TNFSF10: variants seen among roughly 807,000 people sequenced by gnomAD.
TNFSF10 encodes TNF superfamily member 10, also known as tumor necrosis factor ligand superfamily member 10.
A neutral mutation model predicts 29.5 loss-of-function variants in TNFSF10; 13 were observed. The ratio of observed to expected loss-of-function variants is 0.44; its 90% CI spans 0.29 to 0.70. The LOEUF (loss-of-function observed/expected upper bound fraction) is 0.70, where lower values mean the gene tolerates loss of function less well. Ranked by LOEUF, TNFSF10 falls within the 30% of genes least tolerant of loss-of-function variation. The pLI, the probability that TNFSF10 is intolerant of heterozygous loss-of-function variation, is 0.13. For synonymous variants in TNFSF10, 111 were observed against 112.8 expected (o/e 0.98, Z 0.10); for missense variants, 345 against 330.9 (o/e 1.04, Z -0.33).
At position 172,505,731 on chromosome 3, in the gene TNFSF10, T is replaced by G. The variant is rs1712955455; in HGVS notation, c.*761A>C. ...ATAACACGTACTTACTGAAGTTTTT[T>G]TTTTTTTTTTTTTTGAAACCAAGTC... On this transcript the variant is annotated 3_prime_UTR_variant, in exon 5 of 5. Transcript: ENST00000241261. 6.6e-6 allele frequency: 1 copy of G among 150,800 alleles called. No individual in the cohort carries two copies. Among genetic ancestry groups the G allele is most frequent in the Non-Finnish European group, 1.5e-5 (1 of 67,654 alleles). 9.3% of individuals were successfully genotyped at this position (150,800 alleles called of 1,614,324 possible). A position where few individuals can be genotyped will look rare whatever the true frequency, so the allele number is the denominator to read the frequency against.
chr3:172,513,397 C>T (rs1331254042), intron 2 of TNFSF10, among the ~76,000 whole-genome samples: 1 of 152,196 alleles, frequency 6.6e-6, no homozygotes. Context: ...TGGTCCTTGC[C>T]CCCTGAACAC....
Position 172,514,830 on chromosome 3 carries a change from GCTGGTGAGGTCAC to G in TNFSF10, c.270+18_270+30del, listed in dbSNP as rs1713363479. ...GGAATTCTTCTGGCCTTCTCCGCCTGCTGGTGAGGTCACCTGGTGAGGTTACCTACCTTTCTAA... is the reference window on the plus strand; with the variant it reads ...GGAATTCTTCTGGCCTTCTCCGCCTGCTGGTGAGGTTACCTACCTTTCTAA... On this transcript the variant is annotated intron_variant, in intron 2 of 4. Coordinates refer to ENST00000241261, the MANE Select transcript of TNFSF10 (RefSeq NM_003810.4). 1 of 1,612,094 alleles carries G rather than the reference GCTGGTGAGGTCAC, an allele frequency of 6.2e-7. No homozygotes were observed. Among genetic ancestry groups the G allele is most frequent in the Admixed American group, 1.7e-5 (1 of 59,400 alleles).
At chr3:172,519,542 G>A (rs1366456077) in intron 1 of TNFSF10, among the ~76,000 whole-genome samples, 2 of 152,162 alleles carry the variant, frequency 1.3e-5, no homozygotes. Flanking sequence ...CCAGTCTCTC[G>A]TGTAGACTTA....
chr3:172,519,362 G>C (rs1221677330), intron 1 of TNFSF10, among the ~76,000 whole-genome samples: 1 of 135,062 alleles, frequency 7.4e-6, no homozygotes, highest in African/African-American at 3.1e-5. Context: ...AATTGCATGA[G>C]TCAGTTGAGT....
rs994860823 is a variant in TNFSF10 at position 172,505,653 on chromosome 3, A to G, written c.*839T>C. ...AGTACTAAAACAAAAACAACAATAA[A>G]TATGAGCACTACAGCAAACATGACA... On this transcript the variant is annotated 3_prime_UTR_variant, in exon 5 of 5. Transcript: ENST00000241261. 11 of 152,116 alleles carry G rather than the reference A, an allele frequency of 7.2e-5. No individual in the cohort carries two copies. The highest frequency in any genetic ancestry group is 6.5e-4 in the Admixed American group (10 of 15,272). 9.4% of individuals were successfully genotyped at this position (152,116 alleles called of 1,614,324 possible). A position where few individuals can be genotyped will look rare whatever the true frequency, so the allele number is the denominator to read the frequency against.
chr3:172,519,508 C>T (rs1301452607), intron 1 of TNFSF10, among the ~76,000 whole-genome samples: 1 of 152,134 alleles, frequency 6.6e-6, no homozygotes, highest in Admixed American at 6.6e-5. Flanking sequence ...ATTCTGGCTC[C>T]AAATTGGTGA....
chr3:172,510,341 A>G (rs1713171366), intron 3 of TNFSF10, among the ~76,000 whole-genome samples: 1 of 152,106 alleles, frequency 6.6e-6, no homozygotes, highest in Non-Finnish European at 1.5e-5. Flanking sequence ...CCGTAGTCCT[A>G]CTATTCGGGA....
Position 172,506,741 on chromosome 3 carries a change from G to A in TNFSF10, c.597C>T (p.Asn199=). 1 of 1,614,064 alleles carries A rather than the reference G, an allele frequency of 6.2e-7. No individual in the cohort carries two copies. The highest frequency in any genetic ancestry group is 8.5e-7 in the Non-Finnish European group (1 of 1,179,998). ...GGACCATTTGTTTGTCGTTCTTTGT[G>A]TTTTCTTTTATTTCCTCCTGAAATC... ...YFRFQEEIKE[N]TKNDKQMVQY... The change falls in exon 5 of 5, where the codon AAC becomes AAT. Residue 199 remains asparagine, a synonymous_variant. Coordinates refer to ENST00000241261, the MANE Select transcript of TNFSF10 (RefSeq NM_003810.4).
intron 1 of TNFSF10, chr3:172,517,651 T>A (rs1713491438): frequency 1.0e-6 from 1 of 985,330 alleles, no homozygotes; most frequent in Admixed American, 6.1e-5. Flanking sequence ...TCAGACTGTG[T>A]GTGTGCATAA....
chr3:172,518,657 G>T (rs940348195), intron 1 of TNFSF10, among the ~76,000 whole-genome samples: 13 of 152,134 alleles, frequency 8.5e-5, no homozygotes, highest in African/African-American at 2.9e-4. Context: ...ATTTGTGAAG[G>T]TCCAATCCAA....
intron 2 of TNFSF10, 145 bp downstream of exon 2, chr3:172,514,716 A>G (rs1339910399): frequency 2.9e-5 from 34 of 1,167,214 alleles, no homozygotes; most frequent in Non-Finnish European, 4.0e-5. Flanking sequence ...GAATTTGGGG[A>G]AAATTACTTA....
intron 1 of TNFSF10, chr3:172,522,286 A>C: frequency 1.4e-6 from 1 of 717,268 alleles, no homozygotes; most frequent in Admixed American, 1.9e-5. Context: ...TATGAATCTG[A>C]ACTTCATCCT....
chr3:172,514,340 T>A (rs1190250631), intron 2 of TNFSF10, among the ~76,000 whole-genome samples: 1 of 152,208 alleles, frequency 6.6e-6, no homozygotes, highest in African/African-American at 2.4e-5. Context: ...AAAACCACCT[T>A]CAATTTCTCA....
chr3:172,508,250 G>A (rs1029315879), intron 4 of TNFSF10, among the ~76,000 whole-genome samples: 1 of 151,300 alleles, frequency 6.6e-6, no homozygotes, highest in Admixed American at 6.6e-5. Flanking sequence ...AGCCGAGATG[G>A]CACCATTGCA....
intron 1 of TNFSF10, chr3:172,518,413 A>G: frequency 2.3e-6 from 3 of 1,289,394 alleles, no homozygotes; most frequent in Non-Finnish European, 3.0e-6. Flanking sequence ...AGATGGCAGC[A>G]ATGACCCTGT....
chr3:172,509,223 A>G lies in TNFSF10; in HGVS notation c.412T>C (p.Ser138Pro). 3.1e-6 allele frequency: 5 copies of G among 1,612,824 alleles called. No homozygotes were observed. The highest frequency in any genetic ancestry group is 4.2e-6 in the Non-Finnish European group (5 of 1,179,298). Residue 138 changes from serine (S) to proline (P), a missense_variant, in exon 4 of 5, where the codon TCT becomes CCT. By Grantham distance (74) the Ser-to-Pro change is moderately conservative. Coordinates refer to ENST00000241261, the MANE Select transcript of TNFSF10 (RefSeq NM_003810.4). ...TATTTGTTGTTTCTCTTACTTGGAG[A>G]AGACAATGTGTTGCTTCTTCCTCTG... ...GTRGRSNTLSSPNSKNEKALG... is the reference protein window; with the variant it reads ...GTRGRSNTLSPPNSKNEKALG...
intron 1 of TNFSF10, among the ~76,000 whole-genome samples, chr3:172,520,282 A>G (rs1577015831): frequency 6.6e-6 from 1 of 152,162 alleles, no homozygotes; most frequent in Non-Finnish European, 1.5e-5. Flanking sequence ...TTGTACATGG[A>G]CCATCCACAG....
chr3:172,509,908 G>A (rs1158520245), intron 3 of TNFSF10, among the ~76,000 whole-genome samples: 1 of 151,120 alleles, frequency 6.6e-6, no homozygotes, highest in Admixed American at 6.6e-5. Flanking sequence ...GAATCCAGGA[G>A]GCGGAGCTTG....
chr3:172,519,929 T>C (rs1713607272), intron 1 of TNFSF10, among the ~76,000 whole-genome samples: 1 of 152,010 alleles, frequency 6.6e-6, no homozygotes, highest in Non-Finnish European at 1.5e-5. Context: ...TGTAGATAGG[T>C]TAACCCTGTG....
Sources: gnomAD v4.1 joint callset for allele counts (sites outside exome capture counted in the v4.1 genomes callset) on GRCh38, gnomAD v4.1.1 for gene constraint, MANE v1.5 for transcripts, NCBI Gene and HGNC (gene_info 2026-07-23, HGNC 2026-07-21) for gene names.